Variants in RANBP2 observed in about 807,000 individuals in gnomAD.
RANBP2 encodes RAN binding protein 2.
In RANBP2, 57 loss-of-function variants were observed where a neutral mutation model predicts 303.6. The observed-to-expected ratio is 0.19, with a 90% CI of 0.15 to 0.23. The LOEUF (loss-of-function observed/expected upper bound fraction) is 0.23. Ranked by LOEUF, RANBP2 falls within the 10% of genes least tolerant of loss-of-function variation. The pLI is 1.00. For synonymous variants in RANBP2, 1,167 were observed against 1,301.5 expected (o/e 0.90, Z 2.23); for missense variants, 3,138 against 3,780.8 (o/e 0.83, Z 4.46).
chr2:109,031,496 G>T, the RANBP2 span, among the ~76,000 whole-genome samples: 1 of 152,242 alleles, frequency 6.6e-6, no homozygotes, highest in African/African-American at 2.4e-5. Flanking sequence ...AGCAGCAGGG[G>T]ATGCGCGCTC....
chr2:109,089,818 A>G, the RANBP2 span, among the ~76,000 whole-genome samples: 1 of 152,140 alleles, frequency 6.6e-6, no homozygotes, highest in Non-Finnish European at 1.5e-5. Flanking sequence ...TTCAAGTTTC[A>G]AGACCAGATG....
the RANBP2 span, among the ~76,000 whole-genome samples, chr2:108,851,292 T>C: frequency 2.0e-5 from 3 of 151,996 alleles, no homozygotes; most frequent in Non-Finnish European, 2.9e-5. Flanking sequence ...GGGTGTTTTG[T>C]TTTTTGTTGT....
At chr2:108,837,137 T>A in the RANBP2 span, among the ~76,000 whole-genome samples, 2 of 152,294 alleles carry the variant, frequency 1.3e-5, no homozygotes, top group Admixed American at 6.5e-5. Context: ...GAGGAAAGGC[T>A]TTCATTCTTT....
the RANBP2 span, among the ~76,000 whole-genome samples, chr2:109,362,579 A>G: frequency 1.3e-5 from 2 of 152,178 alleles, no homozygotes; most frequent in African/African-American, 2.4e-5. Flanking sequence ...AGTTGTATCC[A>G]GTAGATTGAT....
At chr2:109,726,475 T>G in the RANBP2 span, among the ~76,000 whole-genome samples, 1 of 152,066 alleles carries the variant, frequency 6.6e-6, no homozygotes, top group Middle Eastern at 3.4e-3. Context: ...GAGGTGATGA[T>G]GCCCCCTCCA....
the RANBP2 span, among the ~76,000 whole-genome samples, chr2:108,959,089 C>G: frequency 6.6e-6 from 1 of 152,250 alleles, no homozygotes; most frequent in East Asian, 1.9e-4. Context: ...TGTATCAACA[C>G]CAGTTCTCTG....
the RANBP2 span, chr2:108,878,336 A>C: frequency 8.1e-5 from 16 of 197,064 alleles, no homozygotes; most frequent in Admixed American, 1.4e-4. Flanking sequence ...TTCAGGGTCA[A>C]GTGATTTCAG....
the RANBP2 span, among the ~76,000 whole-genome samples, chr2:109,591,392 G>C: frequency 6.6e-6 from 1 of 152,100 alleles, no homozygotes; most frequent in South Asian, 2.1e-4. Flanking sequence ...AGAGGGGCCA[G>C]GGAAAAAGAA....
chr2:109,010,562 A>ACCT, the RANBP2 span, among the ~76,000 whole-genome samples: 2 of 152,112 alleles, frequency 1.3e-5, no homozygotes, highest in African/African-American at 4.8e-5. Flanking sequence ...AGGCTTGCAG[A>ACCT]TGGCTGTCTT....
the RANBP2 span, among the ~76,000 whole-genome samples, chr2:109,438,922 G>A: frequency 3.3e-5 from 5 of 152,122 alleles, no homozygotes; most frequent in Admixed American, 6.5e-5. Flanking sequence ...CCGGTGTTCT[G>A]TACAAATGTT....
At chr2:109,478,758 T>C in the RANBP2 span, among the ~76,000 whole-genome samples, 4 of 152,166 alleles carry the variant, frequency 2.6e-5, no homozygotes, top group Non-Finnish European at 4.4e-5. Context: ...TGCGACGGGC[T>C]TATCATACAG....
At chr2:109,045,861 T>C in the RANBP2 span, among the ~76,000 whole-genome samples, 1 of 152,258 alleles carries the variant, frequency 6.6e-6, no homozygotes, top group East Asian at 1.9e-4. Flanking sequence ...ATGTGCTGTA[T>C]CCGTCTCCAG....
the RANBP2 span, among the ~76,000 whole-genome samples, chr2:109,092,162 T>A: frequency 6.6e-6 from 1 of 152,176 alleles, no homozygotes. Context: ...GAACTGCTGA[T>A]GGAAATCTAG....
the RANBP2 span, among the ~76,000 whole-genome samples, chr2:108,811,729 T>G: frequency 6.6e-6 from 1 of 152,166 alleles, no homozygotes; most frequent in African/African-American, 2.4e-5. Context: ...TAGTGAACAT[T>G]GTACCCAGTA....
At chr2:109,439,643 G>A in the RANBP2 span, among the ~76,000 whole-genome samples, 1 of 152,078 alleles carries the variant, frequency 6.6e-6, no homozygotes, top group East Asian at 1.9e-4. Flanking sequence ...CAAAGGCAGA[G>A]CACCCCCTGT....
chr2:109,432,392 G>C, the RANBP2 span: 1 of 1,391,458 alleles, frequency 7.2e-7, no homozygotes, highest in Non-Finnish European at 9.8e-7. Flanking sequence ...ACTCTAGTGG[G>C]TCTTTTTAGG....
chr2:108,844,989 G>A, the RANBP2 span, among the ~76,000 whole-genome samples: 1 of 151,790 alleles, frequency 6.6e-6, no homozygotes, highest in African/African-American at 2.4e-5. Flanking sequence ...CTTGTGATCC[G>A]CCTGCCTTGG....
At chr2:108,882,837 G>A in the RANBP2 span, 1 of 152,188 alleles carries the variant, frequency 6.6e-6, no homozygotes, top group Non-Finnish European at 1.5e-5. Flanking sequence ...ATGGAACTGT[G>A]TGCAGATCTG....
chr2:109,632,532 A>T, the RANBP2 span, among the ~76,000 whole-genome samples: 4 of 152,204 alleles, frequency 2.6e-5, no homozygotes, highest in Non-Finnish European at 5.9e-5. Context: ...CTTGATGTCC[A>T]GCCGGGCGCA....
Sources: gnomAD v4.1 joint callset for allele counts (sites outside exome capture counted in the v4.1 genomes callset) on GRCh38, gnomAD v4.1.1 for gene constraint, MANE v1.5 for transcripts, NCBI Gene and HGNC (gene_info 2026-07-23, HGNC 2026-07-21) for gene names.